PCLO: variants seen among roughly 807,000 people sequenced by gnomAD.
PCLO encodes the protein piccolo presynaptic cytomatrix protein.
In PCLO, 82 loss-of-function variants were observed where a neutral mutation model predicts 427.5. That is an observed-to-expected ratio of 0.19 (90% CI 0.16 to 0.23). The LOEUF is 0.23. Ranked by LOEUF, PCLO falls within the 10% of genes least tolerant of loss-of-function variation. The pLI is 1.00. For synonymous variants in PCLO, 2,357 were observed against 2,155.4 expected, an observed-to-expected ratio of 1.09 and a Z score of -2.59; for missense variants, 6,239 against 6,115.9, an observed-to-expected ratio of 1.02 and a Z score of -0.67.
chr7:83,121,109 C>T (rs1340175278), intron 3 of PCLO, among the ~76,000 whole-genome samples: 1 of 151,682 alleles, frequency 6.6e-6, no homozygotes, highest in Non-Finnish European at 1.5e-5. Flanking sequence ...AGGTGAAACC[C>T]ATCTCTACTA....
At chr7:83,121,334 G>A (rs964503741) in intron 3 of PCLO, among the ~76,000 whole-genome samples, 12 of 151,824 alleles carry the variant, frequency 7.9e-5, no homozygotes, top group African/African-American at 2.7e-4. Flanking sequence ...GGTAATAGAA[G>A]GTTATTTGTA....
chr7:83,093,492 A>ATATATATATATATATATTTTTTTTT, intron 3 of PCLO, among the ~76,000 whole-genome samples: 6 of 59,272 alleles, frequency 1.0e-4, no homozygotes, highest in Non-Finnish European at 2.0e-4. Context: ...ATATATATAT[A>ATATATATATATATATATTTTTTTTT]TTTTTTTTTT....
chr7:82,850,767 T>C (rs79664703), intron 10 of PCLO, among the ~76,000 whole-genome samples: 2,051 of 152,258 alleles, frequency 0.013, 51 homozygotes, highest in African/African-American at 0.046. Context: ...ACACAATTCA[T>C]CACCTTTGCT....
In PCLO at chr7:82,761,436, T is replaced by C; in HGVS notation, c.15065A>G (p.Asp5022Gly). ...KIALKKEMKT[D>G]GEQLIVEILQ... ...AATTTCAACTATTAGTTGTTCACCA[T>C]CTGTCTTCATTTCCTTCTTCAATGC... Residue 5022 changes from aspartate (D) to glycine (G), a missense_variant, in exon 23 of 25, where the codon GAT becomes GGT. By Grantham distance (94) the Asp-to-Gly change is moderately conservative. Coordinates refer to ENST00000333891, the MANE Select transcript of PCLO (RefSeq NM_033026.6). 6.3e-7 allele frequency: 1 copy of C among 1,588,716 alleles called. No individual in the cohort carries two copies. The highest frequency in any genetic ancestry group is 8.6e-7 in the Non-Finnish European group (1 of 1,162,316).
Position 82,765,939 on chromosome 7 carries a change from C to G in PCLO, c.15008-4446G>C, listed in dbSNP as rs139006156. Among the ~76,000 whole-genome samples the G allele has an allele frequency of 3.3e-4, 50 of 151,888 alleles. No individual in the cohort carries two copies. In the East Asian group the frequency reaches 8.1e-3, roughly 25 times the overall value. On this transcript the variant is annotated intron_variant, in intron 22 of 24. Coordinates refer to ENST00000333891, the MANE Select transcript of PCLO (RefSeq NM_033026.6). ...GTAGGAAAGTGGTAACCAGTACCAACGAAGCAAGGAATAGGTTATAGTCTC... is the reference window on the plus strand; with the variant it reads ...GTAGGAAAGTGGTAACCAGTACCAAGGAAGCAAGGAATAGGTTATAGTCTC...
At position 82,949,676 on chromosome 7, in the gene PCLO, A is replaced by G. The variant is rs755076964; in HGVS notation, c.10912T>C (p.Ser3638Pro). 1 of 1,613,870 alleles carries G rather than the reference A, an allele frequency of 6.2e-7. No homozygotes were observed. Among genetic ancestry groups the G allele is most frequent in the Middle Eastern group, 1.7e-4 (1 of 6,058 alleles). The change falls in exon 6 of 25, where the codon TCA (serine) becomes CCA (proline). Residue 3638 changes from serine to proline, a missense_variant. Physicochemically the swap from Ser to Pro is moderately conservative, Grantham distance 74. Around this residue, in one of 5 missense-constraint regions of PCLO, gnomAD observed 4,677 missense variants for 4,468.4 expected, o/e 1.05. Transcript: ENST00000333891. The part of the protein sequence containing the change: ...SPLSPGKALE[S>P]AFVPYEKPLP... ...GGTTTTTCATAAGGTACAAAGGCTG[A>G]TTCTAAGGCTTTGCCTGGTGAAAGT...
chr7:82,800,331 A>G (rs1175543079), intron 22 of PCLO, among the ~76,000 whole-genome samples: 9 of 152,166 alleles, frequency 5.9e-5, no homozygotes, highest in African/African-American at 1.9e-4. Flanking sequence ...CTGTTTCCCT[A>G]TGTAGTGCTC....
chr7:82,813,679 T>G (rs1242145754), intron 20 of PCLO, among the ~76,000 whole-genome samples: 2 of 151,794 alleles, frequency 1.3e-5, no homozygotes, highest in Non-Finnish European at 3.0e-5. Context: ...CACCAACACC[T>G]TGAAGAGGTT....
At chr7:82,901,031 T>A (rs1056010792) in intron 9 of PCLO, among the ~76,000 whole-genome samples, 1 of 151,882 alleles carries the variant, frequency 6.6e-6, no homozygotes, top group African/African-American at 2.4e-5. Flanking sequence ...GACAGATTTT[T>A]AATTTCCTGT....
At chr7:83,076,571 T>C (rs1789957455) in intron 3 of PCLO, among the ~76,000 whole-genome samples, 1 of 151,862 alleles carries the variant, frequency 6.6e-6, no homozygotes, top group Non-Finnish European at 1.5e-5. Flanking sequence ...CAGAGAAATT[T>C]CACTTCTTAA....
chr7:83,014,285 T>C (rs1788155131), intron 3 of PCLO, among the ~76,000 whole-genome samples: 1 of 152,166 alleles, frequency 6.6e-6, no homozygotes, highest in African/African-American at 2.4e-5. Context: ...TAAATATCTA[T>C]CCTGTTCTAC....
Position 82,953,861 on chromosome 7 carries a change from T to C in PCLO, c.7092A>G (p.Gly2364=). The stretch of plus-strand genomic sequence containing the variant: ...CAGGTTTTTCCTGACCAAAGGTCTC[T>C]CCAGATGTAAAGTATGTAGTTGAAA... ...EQLSTTYFTS[G]ETFGQEKPAS... The change falls in exon 5 of 25, where the codon GGA becomes GGG. Residue 2364 remains glycine, a synonymous_variant. Coordinates refer to ENST00000333891, the MANE Select transcript of PCLO (RefSeq NM_033026.6). 1 of 1,613,768 alleles carries C rather than the reference T, an allele frequency of 6.2e-7. No homozygotes were observed. Among genetic ancestry groups the C allele is most frequent in the Middle Eastern group, 1.7e-4 (1 of 6,060 alleles).
At chr7:83,029,051 A>C (rs1234997313) in intron 3 of PCLO, among the ~76,000 whole-genome samples, 1 of 152,186 alleles carries the variant, frequency 6.6e-6, no homozygotes, top group Non-Finnish European at 1.5e-5. Flanking sequence ...GGCATGGGCA[A>C]GGACTTCATG....
intron 3 of PCLO, among the ~76,000 whole-genome samples, chr7:83,105,737 G>T (rs1204148402): frequency 6.6e-6 from 1 of 152,144 alleles, no homozygotes; most frequent in Non-Finnish European, 1.5e-5. Flanking sequence ...ATTTTGACTA[G>T]GAGTACTATG....
chr7:82,859,361 G>T (rs1792895377), intron 10 of PCLO, among the ~76,000 whole-genome samples: 1 of 152,284 alleles, frequency 6.6e-6, no homozygotes, highest in East Asian at 1.9e-4. Context: ...GCCCACAGGG[G>T]TGCTTGTGTC....
chr7:83,130,573 C>A (rs1791546456), intron 3 of PCLO, among the ~76,000 whole-genome samples: 1 of 151,976 alleles, frequency 6.6e-6, no homozygotes, highest in African/African-American at 2.4e-5. Context: ...CCTTTAATTT[C>A]TTTTGTGTGT....
intron 22 of PCLO, among the ~76,000 whole-genome samples, chr7:82,795,646 A>G (rs1185002248): frequency 6.6e-6 from 1 of 152,164 alleles, no homozygotes; most frequent in East Asian, 1.9e-4. Flanking sequence ...TCTGCTTTGA[A>G]TGGTTTTACT....
intron 3 of PCLO, among the ~76,000 whole-genome samples, chr7:83,104,756 AC>A (rs1204425922): frequency 2.0e-5 from 3 of 152,106 alleles, no homozygotes; most frequent in African/African-American, 7.2e-5. Context: ...ATTAAATTTT[AC>A]TTTTTCTATT....
Position 82,954,684 on chromosome 7 carries a change from T to A in PCLO, c.6269A>T (p.Asp2090Val), listed in dbSNP as rs143208658. 252 of 1,613,928 alleles carry A rather than the reference T, an allele frequency of 1.6e-4. No individual in the cohort carries two copies. The highest frequency in any genetic ancestry group is 1.5e-3 in the East Asian group (66 of 44,874). ...SSPTQAPIGEDMTESTMDFDR... is the reference protein window; with the variant it reads ...SSPTQAPIGEVMTESTMDFDR... The stretch of plus-strand genomic sequence containing the variant: ...AAAGTCCATGGTGGACTCTGTCATA[T>A]CCTCACCAATGGGGGCCTGGGTTGG... Residue 2090 changes from aspartate (D) to valine (V), a missense_variant, in exon 5 of 25, where the codon GAT becomes GTT. Transcript: ENST00000333891.
Sources: allele counts gnomAD v4.1 joint callset (sites outside exome capture counted in the v4.1 genomes callset), GRCh38; gene constraint gnomAD v4.1.1; regional missense constraint gnomAD v4.1.1; transcripts MANE v1.5; gene names NCBI Gene and HGNC (gene_info 2026-07-23, HGNC 2026-07-21).